The following UPF1 variants were observed in gnomAD, a reference collection of about 807,000 sequenced individuals.
UPF1 encodes UPF1 RNA helicase and ATPase, also known as regulator of nonsense transcripts 1.
UPF1 carries 9 observed loss-of-function variants against 129.2 expected under a neutral mutation model. The observed-to-expected ratio is 0.07, with a 90% CI of 0.04 to 0.12. UPF1 has a LOEUF of 0.12. UPF1 is among the 10% of genes least tolerant of loss of function. The pLI is 1.00. For missense variants in UPF1, 788 were observed against 1,525.3 expected, an observed-to-expected ratio of 0.52 and a Z score of 8.05; for synonymous variants, 649 against 644.9, an observed-to-expected ratio of 1.01 and a Z score of -0.10.
Position 18,856,107 on chromosome 19 carries a change from C to T in UPF1, c.1709+18C>T. ...ATGGACAGGTGTGTGTCGAGTCCAT[C>T]CCTCCCAGTTGGTCCCTGAGCTTCT... On this transcript the variant is annotated intron_variant, in intron 12 of 23. Transcript: ENST00000262803. 11 of 1,610,622 alleles carry T rather than the reference C, an allele frequency of 6.8e-6. No individual in the cohort carries two copies. The highest frequency in any genetic ancestry group is 7.6e-6 in the Non-Finnish European group (9 of 1,177,316).
chr19:18,865,329 T>G lies in UPF1; in HGVS notation c.2898T>G (p.Ile966Met). Residue 966 changes from isoleucine (I) to methionine (M), a missense_variant, in exon 21 of 24, where the codon ATT becomes ATG. Coordinates refer to ENST00000262803, the MANE Select transcript of UPF1 (RefSeq NM_002911.4). This position sits in a 1 kb window ranked among gnomAD's most constrained non-coding sequence, Gnocchi z 6.1. ...SSMYFQTHDQ[I>M]GMISAGPSHV... ...TGTACTTCCAGACCCATGACCAGAT[T>G]GGCATGATCAGTGCCGGCCCTAGCC... is the stretch of plus-strand genomic sequence containing the variant. The G allele has an allele frequency of 6.2e-7, 1 of 1,613,414 alleles. No individual in the cohort carries two copies. The highest frequency in any genetic ancestry group is 8.5e-7 in the Non-Finnish European group (1 of 1,179,548).
Position 18,851,192 on chromosome 19 carries a change from C to G in UPF1, c.810+324C>G, listed in dbSNP as rs2055655103. Reference sequence around the variant, plus strand: ...CTGTGGGCAGACTTGTCCTGCAGAGCCTGAACCTGCCCAGACAGGTGGGCT... The same window carrying G: ...CTGTGGGCAGACTTGTCCTGCAGAGGCTGAACCTGCCCAGACAGGTGGGCT... On this transcript the variant is annotated intron_variant, in intron 5 of 23. Transcript: ENST00000262803. The surrounding 1 kb of genome is among the most constrained non-coding windows in gnomAD (Gnocchi z 4.2). 1 of 224,288 alleles carries G rather than the reference C, an allele frequency of 4.5e-6. No individual in the cohort carries two copies. Among genetic ancestry groups the G allele is most frequent in the African/African-American group, 2.3e-5 (1 of 43,920 alleles). The allele number at this position is 224,288 out of a possible 1,614,324, so 13.9% of individuals were successfully genotyped here. A position where few individuals can be genotyped will look rare whatever the true frequency, so the allele number is the denominator to read the frequency against.
At chr19:18,855,824 G>A in intron 11 of UPF1, 101 bp from the exon 12 acceptor site, 1 of 1,473,056 alleles carries the variant, frequency 6.8e-7, no homozygotes. Context: ...CTCCAGCCTG[G>A]GCAACAGAGC....
At position 18,832,246 on chromosome 19, in the gene UPF1, C is replaced by G. The variant is rs2055433405; in HGVS notation, c.37C>G (p.Leu13Val). ...GGCGTACGGGCCCAGCTCGCAGACT[C>G]TCACTTTCCTGGACACGGAGGAGGC... ...VEAYGPSSQT[L>V]TFLDTEEAEL... is the part of the protein sequence containing the mutation. Residue 13 changes from leucine to valine, a missense_variant, in exon 1 of 24, where the codon CTC (leucine) becomes GTC (valine). Around this residue, in one of 6 missense-constraint regions of UPF1, gnomAD observed 112 missense variants for 128.2 expected, o/e 0.87. Transcript: ENST00000262803. The surrounding 1 kb of genome is among the most constrained non-coding windows in gnomAD (Gnocchi z 5.6). 6.4e-7 allele frequency: 1 copy of G among 1,551,972 alleles called. No individual in the cohort carries two copies. The highest frequency in any genetic ancestry group is 8.7e-7 in the Non-Finnish European group (1 of 1,149,062).
chr19:18,849,113 C>G (rs948601265), intron 3 of UPF1: 1 of 152,332 alleles, frequency 6.6e-6, no homozygotes, highest in African/African-American at 2.4e-5. Flanking sequence ...ACAGCTGATT[C>G]TGCCCACGTG....
chr19:18,855,887 C>G lies in UPF1; in HGVS notation c.1545-38C>G, dbSNP rs369096759. ...TGGCTTACTACGTTCACCGAGCTTCCTCTGGGTAAGCACTGAGCTGCCCCA... is the reference window on the plus strand; with the variant it reads ...TGGCTTACTACGTTCACCGAGCTTCGTCTGGGTAAGCACTGAGCTGCCCCA... On this transcript the variant is annotated intron_variant, in intron 11 of 23. Transcript: ENST00000262803. 13 of 1,604,680 alleles carry G rather than the reference C, an allele frequency of 8.1e-6. 1 individual carries two copies. The highest frequency in any genetic ancestry group is 3.4e-6 in the Non-Finnish European group (4 of 1,175,052).
At chr19:18,860,488 A>G (rs1485233705) in intron 16 of UPF1, 50 bp downstream of exon 16, 1 of 1,574,086 alleles carries the variant, frequency 6.4e-7, no homozygotes, top group African/African-American at 1.4e-5. Context: ...GGACAGCTTG[A>G]GAGGTTGTTG....
intron 15 of UPF1, among the ~76,000 whole-genome samples, chr19:18,858,638 A>G (rs987735303): frequency 1.3e-5 from 2 of 152,022 alleles, no homozygotes; most frequent in African/African-American, 4.8e-5. Context: ...GGCATCCATG[A>G]GGCCTGGCTT....
rs751258361 is a variant in UPF1 at position 18,865,107 on chromosome 19, C to T, written c.2858-182C>T. On this transcript the variant is annotated intron_variant, in intron 20 of 23. Coordinates refer to ENST00000262803, the MANE Select transcript of UPF1 (RefSeq NM_002911.4). This position sits in a 1 kb window ranked among gnomAD's most constrained non-coding sequence, Gnocchi z 6.1. ...ACTCTCCTCGGGGAAGGTGCCTGCC[C>T]AAGCACCCAGCCCCAGGCAGGCTGC... 1.3e-5 allele frequency among the ~76,000 whole-genome samples: 2 copies of T among 152,228 alleles called. No homozygotes were observed. The highest frequency in any genetic ancestry group is 2.9e-5 in the Non-Finnish European group (2 of 68,040).
intron 2 of UPF1, 114 bp downstream of exon 2, chr19:18,846,233 G>A (rs1292145222): frequency 5.4e-6 from 8 of 1,472,972 alleles, no homozygotes; most frequent in East Asian, 2.4e-5. Context: ...TGTGACTCTG[G>A]GTGGCGGTGT....
At chr19:18,860,029 C>T (rs2055760555) in intron 15 of UPF1, 1 of 369,254 alleles carries the variant, frequency 2.7e-6, no homozygotes, top group Non-Finnish European at 4.9e-6. Flanking sequence ...CTGGGGTTGG[C>T]AGAGATCCAG....
In UPF1 at chr19:18,850,430, G is replaced by A. The variant is rs907714207; in HGVS notation, c.629+188G>A. On this transcript the variant is annotated intron_variant, in intron 4 of 23. Transcript: ENST00000262803. The surrounding 1 kb of genome is among the most constrained non-coding windows in gnomAD (Gnocchi z 7.1). ...GGCTTGTTAAGGAGTCGGCAGTGCC[G>A]TGTAACTCTTTTGGGGCGTTCTGGC... is the stretch of plus-strand genomic sequence containing the variant. 2.6e-5 allele frequency among the ~76,000 whole-genome samples: 4 copies of A among 152,260 alleles called. No homozygotes were observed. Among genetic ancestry groups the A allele is most frequent in the Non-Finnish European group, 4.4e-5 (3 of 68,050 alleles).
chr19:18,845,219 C>T (rs1450183983), intron 1 of UPF1, among the ~76,000 whole-genome samples: 4 of 152,240 alleles, frequency 2.6e-5, no homozygotes, highest in Admixed American at 2.6e-4. Flanking sequence ...CACAGTGCTC[C>T]CGCTGCCTGA....
intron 13 of UPF1, 114 bp downstream of exon 13, chr19:18,856,414 T>C (rs2055718510): frequency 9.9e-7 from 1 of 1,006,668 alleles, no homozygotes; most frequent in Non-Finnish European, 1.4e-6. Flanking sequence ...AGAACTTAGA[T>C]GCTCTCTACT....
In UPF1 at chr19:18,850,052, C is replaced by T. The variant is rs766684518; in HGVS notation, c.462-23C>T. The T allele has an allele frequency of 1.2e-5, 20 of 1,613,612 alleles. 1 individual carries two copies. The highest frequency in any genetic ancestry group is 6.7e-5 in the African/African-American group (5 of 74,900). ...GAAAAGCCAAATTTTGGGTGTTAACCGTTTATCATTTCCTGGTTTCAGCCA... is the reference window on the plus strand; with the variant it reads ...GAAAAGCCAAATTTTGGGTGTTAACTGTTTATCATTTCCTGGTTTCAGCCA... On this transcript the variant is annotated intron_variant, in intron 3 of 23. Coordinates refer to ENST00000262803, the MANE Select transcript of UPF1 (RefSeq NM_002911.4). This position sits in a 1 kb window ranked among gnomAD's most constrained non-coding sequence, Gnocchi z 7.1.
intron 15 of UPF1, chr19:18,859,633 G>A (rs2055756003): frequency 6.6e-6 from 1 of 152,352 alleles, no homozygotes; most frequent in Non-Finnish European, 1.5e-5. Flanking sequence ...GTCCATGTCA[G>A]GCTGGTGCTG....
At position 18,853,085 on chromosome 19, in the gene UPF1, AG is replaced by A; in HGVS notation, c.1057+15del. 2 of 1,613,702 alleles carry A rather than the reference AG, an allele frequency of 1.2e-6. No homozygotes were observed. Among genetic ancestry groups the A allele is most frequent in the Non-Finnish European group, 1.7e-6 (2 of 1,179,854 alleles). On this transcript the variant is annotated intron_variant, in intron 7 of 23. Transcript: ENST00000262803. This position sits in a 1 kb window ranked among gnomAD's most constrained non-coding sequence, Gnocchi z 4.4. Reference sequence around the variant, plus strand: ...AGACTGACTCTGGTAATGAGGATTTAGTCATAATTTGGTTAAGAGGTGATTT... The same window carrying A: ...AGACTGACTCTGGTAATGAGGATTTATCATAATTTGGTTAAGAGGTGATTT...
At chr19:18,835,380 T>C (rs1027208636) in intron 1 of UPF1, among the ~76,000 whole-genome samples, 24 of 152,166 alleles carry the variant, frequency 1.6e-4, no homozygotes, top group African/African-American at 5.5e-4. Context: ...CTCGCTCTGT[T>C]GCCCAGGCTG....
chr19:18,849,741 T>C (rs977948094), intron 3 of UPF1: 11 of 300,034 alleles, frequency 3.7e-5, no homozygotes, highest in African/African-American at 2.5e-4. Context: ...GTGGGAAATG[T>C]CTCTGACCCC....
Sources: gnomAD v4.1 joint callset for allele counts (sites outside exome capture counted in the v4.1 genomes callset) on GRCh38, gnomAD v4.1.1 for gene constraint, gnomAD v4.1.1 regional missense constraint, Gnocchi (gnomAD v3.1) non-coding constraint, MANE v1.5 for transcripts, NCBI Gene and HGNC (gene_info 2026-07-23, HGNC 2026-07-21) for gene names.